Variants in LRRC17 observed in about 807,000 individuals in gnomAD.
The protein encoded by LRRC17 is leucine rich repeat containing 17.
Under a neutral mutation model 41.5 loss-of-function variants are expected in LRRC17, and 33 were observed. The ratio of observed to expected loss-of-function variants is 0.80; its 90% CI spans 0.60 to 1.06. LRRC17 has a LOEUF of 1.06. Ranked by LOEUF, LRRC17 falls within the 50% of genes least tolerant of loss-of-function variation. The pLI is 0.00. For missense variants in LRRC17, 491 were observed against 519.3 expected (o/e 0.95, Z 0.53); for synonymous variants, 192 against 197.0 (o/e 0.97, Z 0.21).
At chr7:102,939,137 G>C (rs187936570) in intron 2 of LRRC17, among the ~76,000 whole-genome samples, 39 of 152,266 alleles carry the variant, frequency 2.6e-4, no homozygotes, top group African/African-American at 8.4e-4. Context: ...CTAGAACCTA[G>C]GAGGTTCTGA....
At chr7:102,915,009 C>T (rs1205664820) in intron 1 of LRRC17, among the ~76,000 whole-genome samples, 1 of 152,100 alleles carries the variant, frequency 6.6e-6, no homozygotes, top group African/African-American at 2.4e-5. Context: ...GTGCAAAATA[C>T]ACAAGGTTTT....
chr7:102,926,507 T>C lies in LRRC17; in HGVS notation c.-140-7267T>C, dbSNP rs1452409188. 4.7e-6 allele frequency: 3 copies of C among 642,950 alleles called. No homozygotes were observed. The African/African-American group carries it at 5.6e-5, about 12-fold the overall frequency. The allele number at this position is 642,950 out of a possible 1,614,324, so 39.8% of individuals were successfully genotyped here. On this transcript the variant is annotated intron_variant, in intron 1 of 3. Transcript: ENST00000339431. Reference sequence around the variant, plus strand: ...AGAGTTGGTTTCTTCATATTCTTTATCTACTATTAGGTTGAAATGAAATTA... The same window carrying C: ...AGAGTTGGTTTCTTCATATTCTTTACCTACTATTAGGTTGAAATGAAATTA...
intron 3 of LRRC17, among the ~76,000 whole-genome samples, chr7:102,941,554 T>C (rs1175370422): frequency 6.6e-6 from 1 of 152,184 alleles, no homozygotes; most frequent in Non-Finnish European, 1.5e-5. Context: ...GCAATTCCCC[T>C]GTCTTGATAA....
In LRRC17 at chr7:102,926,496, C is replaced by T. The variant is rs573180916; in HGVS notation, c.-140-7278C>T. The T allele has an allele frequency of 1.2e-4, 80 of 695,242 alleles. No homozygotes were observed. In the African/African-American group the frequency reaches 1.3e-3, roughly 11 times the overall value. 43.1% of individuals were successfully genotyped at this position (695,242 alleles called of 1,614,324 possible). A position where few individuals can be genotyped will look rare whatever the true frequency, so the allele number is the denominator to read the frequency against. ...AAATACATGTAAGAGTTGGTTTCTT[C>T]ATATTCTTTATCTACTATTAGGTTG... On this transcript the variant is annotated intron_variant, in intron 1 of 3. Coordinates refer to ENST00000339431, the MANE Select transcript of LRRC17 (RefSeq NM_001031692.3).
At chr7:102,928,601 A>G (rs756532840) in intron 1 of LRRC17, among the ~76,000 whole-genome samples, 8 of 152,218 alleles carry the variant, frequency 5.3e-5, no homozygotes, top group Non-Finnish European at 1.0e-4. Context: ...TGACTTCCCT[A>G]TTAGAGGGCC....
chr7:102,938,763 G>A (rs1199860584), intron 2 of LRRC17, among the ~76,000 whole-genome samples: 1 of 152,164 alleles, frequency 6.6e-6, no homozygotes, highest in East Asian at 1.9e-4. Context: ...TAAGGTAAAA[G>A]AACTAAAGAA....
At chr7:102,929,363 G>A (rs1187091784) in intron 1 of LRRC17, among the ~76,000 whole-genome samples, 1 of 152,124 alleles carries the variant, frequency 6.6e-6, no homozygotes, top group East Asian at 1.9e-4. Context: ...TCAGAAGAGG[G>A]AGAAATTAAT....
chr7:102,918,221 C>T (rs1441421022), intron 1 of LRRC17, among the ~76,000 whole-genome samples: 1 of 152,118 alleles, frequency 6.6e-6, no homozygotes, highest in Non-Finnish European at 1.5e-5. Context: ...GTATTTTTAT[C>T]ATAGATAACT....
intron 1 of LRRC17, among the ~76,000 whole-genome samples, chr7:102,926,668 T>G (rs1818201766): frequency 6.6e-6 from 1 of 152,150 alleles, no homozygotes; most frequent in South Asian, 2.1e-4. Flanking sequence ...TCACACGAAA[T>G]TTGAGCTCAC....
At chr7:102,943,126 A>G (rs1423993918) in intron 3 of LRRC17, among the ~76,000 whole-genome samples, 1 of 152,178 alleles carries the variant, frequency 6.6e-6, no homozygotes, top group Non-Finnish European at 1.5e-5. Flanking sequence ...AATGTGGAAA[A>G]ATTGTTTTTG....
chr7:102,916,827 T>G (rs1287014826), intron 1 of LRRC17, among the ~76,000 whole-genome samples: 3 of 152,096 alleles, frequency 2.0e-5, no homozygotes, highest in Non-Finnish European at 4.4e-5. Context: ...GTGATTTATT[T>G]ATTTATTTTT....
chr7:102,939,625 G>T, intron 3 of LRRC17, 40 bp downstream of exon 3: 1 of 1,549,110 alleles, frequency 6.5e-7, no homozygotes. Flanking sequence ...GGTGGCAAGT[G>T]TTCTGTGATT....
chr7:102,924,302 G>A (rs1450474528), intron 1 of LRRC17, among the ~76,000 whole-genome samples: 1 of 151,862 alleles, frequency 6.6e-6, no homozygotes, highest in Non-Finnish European at 1.5e-5. Context: ...CAGGCCTTGG[G>A]CCACATGGAT....
intron 1 of LRRC17, among the ~76,000 whole-genome samples, chr7:102,916,388 G>C (rs1057121661): frequency 6.6e-6 from 1 of 152,104 alleles, no homozygotes; most frequent in Non-Finnish European, 1.5e-5. Flanking sequence ...AGAACCTCTG[G>C]TTTAGATAAA....
chr7:102,934,793 C>T (rs1310044214), intron 2 of LRRC17, 108 bp downstream of exon 2: 1 of 1,019,166 alleles, frequency 9.8e-7, no homozygotes, highest in African/African-American at 1.6e-5. Flanking sequence ...GATGTCACTT[C>T]CACCAGAAAT....
intron 1 of LRRC17, chr7:102,932,940 C>T (rs1347720695): frequency 6.6e-6 from 1 of 152,214 alleles, no homozygotes; most frequent in Non-Finnish European, 1.5e-5. Flanking sequence ...AAATACTTAT[C>T]AAGGAGATAT....
chr7:102,935,796 G>A (rs544813307), intron 2 of LRRC17, among the ~76,000 whole-genome samples: 1 of 152,292 alleles, frequency 6.6e-6, no homozygotes, highest in South Asian at 2.1e-4. Flanking sequence ...AAAGCCAGAT[G>A]TCATTAAGTG....
At chr7:102,936,024 C>T (rs1265644326) in intron 2 of LRRC17, among the ~76,000 whole-genome samples, 1 of 152,044 alleles carries the variant, frequency 6.6e-6, no homozygotes, top group African/African-American at 2.4e-5. Flanking sequence ...CCTTGCCCCA[C>T]TGCCCCGCTC....
intron 1 of LRRC17, chr7:102,926,207 C>T: frequency 7.2e-7 from 1 of 1,388,492 alleles, no homozygotes; most frequent in Non-Finnish European, 1.0e-6. Flanking sequence ...TTGCAGAATG[C>T]TAGAGCAAGC....
Sources: gnomAD v4.1 joint callset for allele counts (sites outside exome capture counted in the v4.1 genomes callset) on GRCh38, gnomAD v4.1.1 for gene constraint, MANE v1.5 for transcripts, NCBI Gene and HGNC (gene_info 2026-07-23, HGNC 2026-07-21) for gene names.